The following MINDY4 variants were observed in gnomAD, a reference collection of about 807,000 sequenced individuals.
MINDY4 encodes the protein MINDY lysine 48 deubiquitinase 4.
Under a neutral mutation model 87.0 loss-of-function variants are expected in MINDY4, and 68 were observed. That is an observed-to-expected ratio of 0.78 (90% CI 0.64 to 0.96). The LOEUF (loss-of-function observed/expected upper bound fraction) is 0.96, where lower values mean the gene tolerates loss of function less well. MINDY4 is among the 40% of genes least tolerant of loss of function. The probability of loss-of-function intolerance (pLI) is 0.00; values close to 1 mark genes in which losing one functional copy is unlikely to be tolerated. For synonymous variants in MINDY4, 379 were observed against 363.2 expected (o/e 1.04, Z -0.50); for missense variants, 919 against 928.2 (o/e 0.99, Z 0.13).
intron 6 of MINDY4, among the ~76,000 whole-genome samples, chr7:30,835,807 C>T (rs1313090282): frequency 6.6e-6 from 1 of 152,208 alleles, no homozygotes; most frequent in Non-Finnish European, 1.5e-5. Context: ...CATTGTTTCT[C>T]CCTGGGTCCT....
At chr7:30,882,857 C>G in intron 16 of MINDY4, 64 bp from the exon 17 acceptor site, 1 of 1,511,206 alleles carries the variant, frequency 6.6e-7, no homozygotes, top group African/African-American at 1.4e-5. Context: ...GAGTGGTCAG[C>G]GCTGACCTCA....
intron 6 of MINDY4, among the ~76,000 whole-genome samples, chr7:30,834,472 T>A (rs1449987540): frequency 6.6e-6 from 1 of 152,166 alleles, no homozygotes; most frequent in Non-Finnish European, 1.5e-5. Flanking sequence ...CATGAGACCA[T>A]TTTTTCCTCC....
chr7:30,882,104 C>T, intron 15 of MINDY4, 77 bp from the exon 16 acceptor site: 1 of 1,411,032 alleles, frequency 7.1e-7, no homozygotes. Flanking sequence ...GTCAGCCCTG[C>T]CTTGAGTCAG....
At chr7:30,828,318 T>TTGTGTGTGTGTGTGTG (rs60396175) in intron 5 of MINDY4, among the ~76,000 whole-genome samples, 14 of 147,882 alleles carry the variant, frequency 9.5e-5, no homozygotes, top group African/African-American at 3.2e-4. Flanking sequence ...AGAACTCGAT[T>TTGTGTGTGTGTGTGTG]TGTGTGTGTG....
chr7:30,833,200 G>A (rs758803651), intron 6 of MINDY4, among the ~76,000 whole-genome samples: 39 of 152,116 alleles, frequency 2.6e-4, no homozygotes, highest in Non-Finnish European at 5.4e-4. Context: ...CCATTTTCAC[G>A]CTGCTGATAA....
intron 1 of MINDY4, 40 bp downstream of exon 1, chr7:30,771,596 A>T: frequency 6.4e-7 from 1 of 1,561,066 alleles, no homozygotes; most frequent in Non-Finnish European, 8.7e-7. Context: ...AAGTGGCTCT[A>T]ATTTGGGGGG....
intron 6 of MINDY4, among the ~76,000 whole-genome samples, chr7:30,834,279 A>C (rs755211260): frequency 3.3e-5 from 5 of 152,206 alleles, no homozygotes; most frequent in Admixed American, 3.3e-4. Flanking sequence ...CCAAACCTCA[A>C]TTCTTGACTT....
chr7:30,837,762 G>A (rs951727323), intron 7 of MINDY4, among the ~76,000 whole-genome samples: 5 of 152,190 alleles, frequency 3.3e-5, no homozygotes, highest in African/African-American at 4.8e-5. Context: ...GGCCTGCAGA[G>A]AAAACAGGAG....
intron 5 of MINDY4, among the ~76,000 whole-genome samples, chr7:30,799,144 G>A (rs1234314894): frequency 6.6e-6 from 1 of 152,082 alleles, no homozygotes; most frequent in African/African-American, 2.4e-5. Context: ...CTGGGCCTCT[G>A]TGCTCCTGTC....
chr7:30,830,958 T>C (rs1300766765), intron 6 of MINDY4, among the ~76,000 whole-genome samples: 1 of 152,054 alleles, frequency 6.6e-6, no homozygotes, highest in Non-Finnish European at 1.5e-5. Context: ...CTGGGCAAGA[T>C]GATTTTGAGT....
chr7:30,858,943 C>T, intron 12 of MINDY4: 3 of 610,240 alleles, frequency 4.9e-6, no homozygotes, highest in South Asian at 3.1e-5. Context: ...TGATAATGCC[C>T]ATTAGATGCT....
intron 5 of MINDY4, among the ~76,000 whole-genome samples, chr7:30,816,721 A>G (rs2128559628): frequency 1.3e-5 from 2 of 151,628 alleles, no homozygotes; most frequent in Middle Eastern, 6.8e-3. Context: ...GTTCCCAATT[A>G]AGGGAGTCAC....
chr7:30,846,974 C>G (rs1789240437), intron 9 of MINDY4, among the ~76,000 whole-genome samples: 1 of 152,038 alleles, frequency 6.6e-6, no homozygotes, highest in Non-Finnish European at 1.5e-5. Context: ...CGGCCTGGTT[C>G]CTAACAGGCC....
intron 5 of MINDY4, among the ~76,000 whole-genome samples, chr7:30,818,612 G>A (rs529834387): frequency 1.2e-3 from 189 of 152,314 alleles, no homozygotes; most frequent in African/African-American, 4.3e-3. Flanking sequence ...TTCATAGCTG[G>A]GATGGGTGGT....
At chr7:30,873,524 G>A (rs1790169878) in intron 14 of MINDY4, among the ~76,000 whole-genome samples, 1 of 152,228 alleles carries the variant, frequency 6.6e-6, no homozygotes, top group Non-Finnish European at 1.5e-5. Context: ...TTGTTGAAGA[G>A]CAGGCTCAGA....
At chr7:30,773,342 A>G (rs930704339) in intron 1 of MINDY4, among the ~76,000 whole-genome samples, 5 of 152,172 alleles carry the variant, frequency 3.3e-5, no homozygotes, top group African/African-American at 1.2e-4. Context: ...TTATTGTGAG[A>G]CCAGGAGGCC....
At chr7:30,866,881 G>A (rs898267368) in intron 13 of MINDY4, among the ~76,000 whole-genome samples, 3 of 152,088 alleles carry the variant, frequency 2.0e-5, no homozygotes, top group Admixed American at 6.5e-5. Flanking sequence ...CTCCTTGCAG[G>A]TCCCTCTTTT....
At position 30,835,093 on chromosome 7, in the gene MINDY4, C is replaced by T. The variant is rs185651173; in HGVS notation, c.1133-1565C>T. Among the ~76,000 whole-genome samples, 70 of 152,342 alleles carry T rather than the reference C, an allele frequency of 4.6e-4. 1 individual carries two copies. The highest frequency in any genetic ancestry group is 1.4e-3 in the African/African-American group (58 of 41,576). On this transcript the variant is annotated intron_variant, in intron 6 of 17. Transcript: ENST00000265299. Reference sequence around the variant, plus strand: ...TTCGGATATCTTTTCAGCAGCGCCCCACTTTACTGGTACCAATTTACTGTA... The same window carrying T: ...TTCGGATATCTTTTCAGCAGCGCCCTACTTTACTGGTACCAATTTACTGTA...
At chr7:30,819,892 ATTTTTTTTTT>A (rs60124746) in intron 5 of MINDY4, among the ~76,000 whole-genome samples, 10 of 96,680 alleles carry the variant, frequency 1.0e-4, no homozygotes, top group African/African-American at 4.1e-4. Flanking sequence ...CATATAGATA[ATTTTTTTTTT>A]TTTTTTTTTT....
Sources: gnomAD v4.1 joint callset for allele counts (sites outside exome capture counted in the v4.1 genomes callset) on GRCh38, gnomAD v4.1.1 for gene constraint, MANE v1.5 for transcripts, NCBI Gene and HGNC (gene_info 2026-07-23, HGNC 2026-07-21) for gene names.